Variants in FSTL5 observed in about 807,000 individuals in gnomAD.
FSTL5 encodes follistatin-related protein 5.
In FSTL5, 62 loss-of-function variants were observed where a neutral mutation model predicts 89.1. The observed-to-expected ratio is 0.70, with a 90% CI of 0.57 to 0.86. The LOEUF is 0.86. Ranked by LOEUF, FSTL5 falls within the 40% of genes least tolerant of loss-of-function variation. The pLI is 0.00. For missense variants in FSTL5, 1,057 were observed against 1,001.6 expected (o/e 1.06, Z -0.75); for synonymous variants, 383 against 346.2 (o/e 1.11, Z -1.18).
At chr4:161,811,445 A>G (rs1162987633) in intron 4 of FSTL5, among the ~76,000 whole-genome samples, 1 of 152,146 alleles carries the variant, frequency 6.6e-6, no homozygotes, top group East Asian at 1.9e-4. Flanking sequence ...ACTTTAATGG[A>G]CCTTCTACAC....
chr4:161,859,841 G>C (rs1459223226), intron 4 of FSTL5, among the ~76,000 whole-genome samples: 2 of 152,148 alleles, frequency 1.3e-5, no homozygotes, highest in Non-Finnish European at 2.9e-5. Context: ...GGACTCAAGA[G>C]TGAAGTATTA....
intron 6 of FSTL5, among the ~76,000 whole-genome samples, chr4:161,684,104 C>T (rs1579018641): frequency 6.6e-6 from 1 of 152,240 alleles, no homozygotes; most frequent in African/African-American, 2.4e-5. Flanking sequence ...TGAGTAGTTT[C>T]CATGGTACAC....
At chr4:161,586,610 C>T (rs2126605985) in intron 8 of FSTL5, among the ~76,000 whole-genome samples, 1 of 152,340 alleles carries the variant, frequency 6.6e-6, no homozygotes, top group Non-Finnish European at 1.5e-5. Context: ...AGTCTTTAAA[C>T]TATTCATTTA....
At chr4:161,685,527 T>C (rs1737681758) in intron 6 of FSTL5, among the ~76,000 whole-genome samples, 1 of 152,186 alleles carries the variant, frequency 6.6e-6, no homozygotes, top group Non-Finnish European at 1.5e-5. Context: ...GCAGCTATTG[T>C]AAAAGGTGTT....
At chr4:161,709,384 T>A (rs1387410849) in intron 6 of FSTL5, among the ~76,000 whole-genome samples, 1 of 152,158 alleles carries the variant, frequency 6.6e-6, no homozygotes, top group Non-Finnish European at 1.5e-5. Flanking sequence ...TTAAACTATA[T>A]AAGCTTTCAT....
At chr4:161,579,757 AAAAAAG>A (rs371353475) in intron 8 of FSTL5, among the ~76,000 whole-genome samples, 22,480 of 76,094 alleles carry the variant, frequency 0.3, 2,249 homozygotes, top group Non-Finnish European at 0.4. Context: ...AAGAAAAAGA[AAAAAAG>A]AAAAAAAAAT....
intron 11 of FSTL5, 131 bp from the exon 12 acceptor site, chr4:161,500,265 C>A (rs1730251028): frequency 1.7e-6 from 1 of 587,128 alleles, no homozygotes. Context: ...TAAAGCAAAC[C>A]ATATGGGACC....
At chr4:161,778,549 T>C (rs1372466308) in intron 4 of FSTL5, among the ~76,000 whole-genome samples, 1 of 152,244 alleles carries the variant, frequency 6.6e-6, no homozygotes, top group African/African-American at 2.4e-5. Flanking sequence ...GATGATAGAC[T>C]GTCTTTATTT....
chr4:161,506,628 C>T (rs540877493), intron 11 of FSTL5, among the ~76,000 whole-genome samples: 53 of 152,078 alleles, frequency 3.5e-4, no homozygotes, highest in African/African-American at 9.9e-4. Flanking sequence ...GCTGTATTTT[C>T]GTCTGTATTT....
intron 6 of FSTL5, among the ~76,000 whole-genome samples, chr4:161,751,780 C>A (rs1356807321): frequency 1.3e-3 from 138 of 109,702 alleles, no homozygotes; most frequent in Non-Finnish European, 1.6e-3. Flanking sequence ...GAACTTGTCT[C>A]AAAAAAAAAG....
chr4:161,811,433 G>A (rs997379347), intron 4 of FSTL5, among the ~76,000 whole-genome samples: 3 of 152,074 alleles, frequency 2.0e-5, no homozygotes, highest in Non-Finnish European at 4.4e-5. Context: ...CCTTGTGACA[G>A]CACTTTAATG....
chr4:161,803,870 A>C (rs1729876281), intron 4 of FSTL5, among the ~76,000 whole-genome samples: 1 of 152,022 alleles, frequency 6.6e-6, no homozygotes, highest in Admixed American at 6.6e-5. Flanking sequence ...TTTGAGCTTC[A>C]CAAAGTTAAA....
At chr4:161,450,101 G>T (rs1733109975) in intron 15 of FSTL5, among the ~76,000 whole-genome samples, 1 of 152,104 alleles carries the variant, frequency 6.6e-6, no homozygotes, top group African/African-American at 2.4e-5. Context: ...AAGGATTAAT[G>T]AAGATTTTTT....
chr4:161,789,577 C>T (rs1262405978), intron 4 of FSTL5, among the ~76,000 whole-genome samples: 1 of 152,144 alleles, frequency 6.6e-6, no homozygotes, highest in African/African-American at 2.4e-5. Context: ...TTTCCATATA[C>T]ATTTGTGGCT....
chr4:161,731,597 C>T (rs533383558), intron 6 of FSTL5, among the ~76,000 whole-genome samples: 5 of 151,938 alleles, frequency 3.3e-5, no homozygotes, highest in Non-Finnish European at 4.4e-5. Context: ...CCTGCAGAAC[C>T]GTAAGTCAAT....
At chr4:162,057,863 G>C (rs1445745551) in intron 2 of FSTL5, among the ~76,000 whole-genome samples, 1 of 152,080 alleles carries the variant, frequency 6.6e-6, no homozygotes, top group Non-Finnish European at 1.5e-5. Flanking sequence ...AGAACCACTT[G>C]AATCTGGGAG....
At chr4:161,868,509 T>A (rs1008782820) in intron 4 of FSTL5, among the ~76,000 whole-genome samples, 11 of 152,152 alleles carry the variant, frequency 7.2e-5, no homozygotes, top group African/African-American at 2.4e-4. Context: ...TCTTAAGTAA[T>A]CTCCTCCCAC....
chr4:162,126,968 G>T (rs1732105816), intron 1 of FSTL5, among the ~76,000 whole-genome samples: 1 of 152,120 alleles, frequency 6.6e-6, no homozygotes, highest in Admixed American at 6.5e-5. Flanking sequence ...TCAGTCACCA[G>T]CCTAGTGGTC....
At chr4:162,086,972 C>T (rs1274632605) in intron 2 of FSTL5, among the ~76,000 whole-genome samples, 1 of 152,006 alleles carries the variant, frequency 6.6e-6, no homozygotes, top group African/African-American at 2.4e-5. Context: ...AAGAGATAAC[C>T]TTCATATGAT....
Sources: gnomAD v4.1 joint callset for allele counts (sites outside exome capture counted in the v4.1 genomes callset) on GRCh38, gnomAD v4.1.1 for gene constraint, MANE v1.5 for transcripts, NCBI Gene and HGNC (gene_info 2026-07-23, HGNC 2026-07-21) for gene names.